USP34: variants seen among roughly 807,000 people sequenced by gnomAD.
The protein encoded by USP34 is ubiquitin specific peptidase 34.
USP34 carries 70 observed loss-of-function variants against 460.3 expected under a neutral mutation model. The observed-to-expected ratio is 0.15, with a 90% CI of 0.13 to 0.19. USP34 has a LOEUF of 0.19. Ranked by LOEUF, USP34 falls within the 10% of genes least tolerant of loss-of-function variation. USP34 has a pLI of 1.00. For synonymous variants in USP34, 1,647 were observed against 1,405.3 expected, an observed-to-expected ratio of 1.17 and a Z score of -3.85; for missense variants, 3,985 against 4,236.2, an observed-to-expected ratio of 0.94 and a Z score of 1.65.
intron 53 of USP34, among the ~76,000 whole-genome samples, chr2:61,239,218 G>A (rs1248639467): frequency 6.6e-6 from 1 of 150,870 alleles, no homozygotes; most frequent in Non-Finnish European, 1.5e-5. Context: ...TCTGTATCCA[G>A]TAAAAGGAGG....
chr2:61,344,566 G>C (rs761781864), intron 15 of USP34, among the ~76,000 whole-genome samples: 4 of 152,138 alleles, frequency 2.6e-5, no homozygotes, highest in Admixed American at 6.6e-5. Flanking sequence ...TTGATTTAGA[G>C]ACTCACAAGT....
intron 43 of USP34, among the ~76,000 whole-genome samples, chr2:61,262,905 G>A (rs1379999704): frequency 1.3e-5 from 2 of 151,992 alleles, no homozygotes; most frequent in Non-Finnish European, 2.9e-5. Flanking sequence ...ATCTCACTGT[G>A]GTTTAGTTTT....
intron 29 of USP34, among the ~76,000 whole-genome samples, chr2:61,299,446 C>T (rs1690151144): frequency 6.6e-6 from 1 of 152,128 alleles, no homozygotes; most frequent in African/African-American, 2.4e-5. Context: ...ATCACACATA[C>T]TCTTGCCTCT....
intron 52 of USP34, 31 bp downstream of exon 52, chr2:61,241,733 CAA>C: frequency 6.7e-7 from 1 of 1,497,596 alleles, no homozygotes; most frequent in South Asian, 1.3e-5. Flanking sequence ...GAAGAAAAAA[CAA>C]TATAAAATTA....
In USP34 at chr2:61,267,546, G is replaced by C. The variant is rs565191798; in HGVS notation, c.5434-1379C>G. ...CAACCACCGCTGCCCAGGTTCGAGC[G>C]ATTCTCCTGCCTCAGCCTCCCAAGT... On this transcript the variant is annotated intron_variant, in intron 41 of 79. Transcript: ENST00000398571. Among the ~76,000 whole-genome samples the C allele has an allele frequency of 4.0e-5, 6 of 151,568 alleles. No homozygotes were observed. The South Asian group carries it at 1.3e-3, about 32-fold the overall frequency.
rs867349625 is a variant in USP34, at chr2:61,235,879, G to A, written c.6998C>T (p.Thr2333Met). The change falls in exon 57 of 80, where the codon ACG (threonine) becomes ATG (methionine). Residue 2333 changes from threonine to methionine, a missense_variant. By Grantham distance (81) the Thr-to-Met change is moderately conservative. Around this residue, in one of 14 missense-constraint regions of USP34, gnomAD observed 604 missense variants for 684.8 expected, o/e 0.88. Coordinates refer to ENST00000398571, the MANE Select transcript of USP34 (RefSeq NM_014709.4). ...TGCCTGACTATTATTAAACTGTTTCGTCAACAGTTCAATCCACTGAAGCAT... is the reference window on the plus strand; with the variant it reads ...TGCCTGACTATTATTAAACTGTTTCATCAACAGTTCAATCCACTGAAGCAT... ...PTMLQWIELL[T>M]KQFNNSQAAC... 1.2e-6 allele frequency: 2 copies of A among 1,613,596 alleles called. No individual in the cohort carries two copies. Among genetic ancestry groups the A allele is most frequent in the Non-Finnish European group, 1.7e-6 (2 of 1,179,884 alleles).
intron 1 of USP34, among the ~76,000 whole-genome samples, chr2:61,464,548 C>T (rs1695705794): frequency 6.6e-6 from 1 of 151,656 alleles, no homozygotes; most frequent in Non-Finnish European, 1.5e-5. Context: ...TAAACTATAA[C>T]CCACCAAACG....
At chr2:61,404,413 G>A (rs1341294153) in intron 3 of USP34, among the ~76,000 whole-genome samples, 1 of 152,052 alleles carries the variant, frequency 6.6e-6, no homozygotes, top group Non-Finnish European at 1.5e-5. Context: ...CTACCCCTTT[G>A]AATCTGGGCT....
chr2:61,380,495 T>A, intron 6 of USP34, 134 bp from the exon 7 acceptor site: 1 of 852,654 alleles, frequency 1.2e-6, no homozygotes, highest in Non-Finnish European at 1.8e-6. Context: ...GGTTTTCCTC[T>A]CAGGCCCTGC....
chr2:61,460,962 C>T (rs1234414091), intron 1 of USP34, among the ~76,000 whole-genome samples: 1 of 129,544 alleles, frequency 7.7e-6, no homozygotes, highest in Non-Finnish European at 1.6e-5. Flanking sequence ...ACCCTGGCAA[C>T]AGGGCGAGAC....
chr2:61,442,406 C>CAAAAAAAAAAAAA (rs70963430), intron 1 of USP34, among the ~76,000 whole-genome samples: 2 of 121,446 alleles, frequency 1.6e-5, no homozygotes, highest in African/African-American at 3.1e-5. Flanking sequence ...ATCTTAACAG[C>CAAAAAAAAAAAAA]AAAAAAAAAA....
At chr2:61,410,530 C>T (rs1694006377) in intron 2 of USP34, among the ~76,000 whole-genome samples, 1 of 152,182 alleles carries the variant, frequency 6.6e-6, no homozygotes, top group Non-Finnish European at 1.5e-5. Flanking sequence ...GGGCTGGGGA[C>T]CCTTGCTGTA....
chr2:61,336,448 C>T (rs528859219), intron 18 of USP34, among the ~76,000 whole-genome samples: 2 of 151,558 alleles, frequency 1.3e-5, no homozygotes, highest in East Asian at 1.9e-4. Flanking sequence ...TTTTAATTTT[C>T]CTACCTATAA....
At chr2:61,213,390 A>G (rs544750779) in intron 68 of USP34, among the ~76,000 whole-genome samples, 3 of 150,738 alleles carry the variant, frequency 2.0e-5, no homozygotes, top group African/African-American at 4.9e-5. Flanking sequence ...CACCATCTAG[A>G]AAAAAAAAGA....
In USP34 at chr2:61,241,592, A is replaced by G. The variant is rs758003039; in HGVS notation, c.6745T>C (p.Tyr2249His). 6.2e-7 allele frequency: 1 copy of G among 1,610,732 alleles called. No individual in the cohort carries two copies. Among genetic ancestry groups the G allele is most frequent in the Admixed American group, 1.7e-5 (1 of 59,096 alleles). Residue 2249 changes from tyrosine to histidine, a missense_variant, in exon 53 of 80, where the codon TAC becomes CAC. By Grantham distance (83) the Tyr-to-His change is moderately conservative. Transcript: ENST00000398571. ...MEPEEENGRE[Y>H]KFDVSSELLE... Reference sequence around the variant, plus strand: ...AACTCTGACGAAACATCAAATTTGTATTCTCTGCCATTTTCTTCCTCTGGT... The same window carrying G: ...AACTCTGACGAAACATCAAATTTGTGTTCTCTGCCATTTTCTTCCTCTGGT...
In USP34 at chr2:61,246,363, C is replaced by T. The variant is rs777371239; in HGVS notation, c.6509G>A (p.Arg2170Lys). The T allele has an allele frequency of 1.3e-6, 2 of 1,599,800 alleles. No homozygotes were observed. Among genetic ancestry groups the T allele is most frequent in the African/African-American group, 2.7e-5 (2 of 74,440 alleles). The change falls in exon 50 of 80, where the codon AGA (arginine) becomes AAA (lysine). Residue 2170 changes from arginine to lysine, a missense_variant. This residue lies in a region of USP34 where 70 missense variants were observed against 78.1 expected (regional missense o/e 0.90). Coordinates refer to ENST00000398571, the MANE Select transcript of USP34 (RefSeq NM_014709.4). The stretch of plus-strand genomic sequence containing the variant: ...ATAAGCATGGGGATTTACTATATCT[C>T]TGATAAAGCTATAATAGTGTCCACC... The part of the protein sequence containing the change: ...ADGGHYYSFI[R>K]DIVNPHAYKN...
At chr2:61,351,680 C>G (rs1471834435) in intron 10 of USP34, among the ~76,000 whole-genome samples, 2 of 152,120 alleles carry the variant, frequency 1.3e-5, no homozygotes, top group Non-Finnish European at 2.9e-5. Context: ...TCTGCTGCTT[C>G]TCTTTCAGGG....
chr2:61,442,284 G>A (rs1328859432), intron 1 of USP34, among the ~76,000 whole-genome samples: 1 of 151,562 alleles, frequency 6.6e-6, no homozygotes, highest in African/African-American at 2.4e-5. Context: ...CTTCTGTATA[G>A]CAAAGGCAAA....
intron 1 of USP34, among the ~76,000 whole-genome samples, chr2:61,468,589 C>T (rs1440025266): frequency 1.3e-5 from 2 of 152,160 alleles, no homozygotes; most frequent in African/African-American, 2.4e-5. Flanking sequence ...TTTTTAGAGT[C>T]CACTGGCTTA....
Sources: allele counts gnomAD v4.1 joint callset (sites outside exome capture counted in the v4.1 genomes callset), GRCh38; gene constraint gnomAD v4.1.1; regional missense constraint gnomAD v4.1.1; transcripts MANE v1.5; gene names NCBI Gene and HGNC (gene_info 2026-07-23, HGNC 2026-07-21).